Variants in MTA3 observed in about 807,000 individuals in gnomAD.
MTA3 encodes metastasis-associated protein MTA3.
In MTA3, 34 loss-of-function variants were observed where a neutral mutation model predicts 83.5. The observed-to-expected ratio is 0.41, with a 90% CI of 0.31 to 0.54. The LOEUF is 0.54. Among genes scored for constraint, MTA3 ranks in the 20% least tolerant of loss-of-function variants. MTA3 has a pLI of 0.33. For synonymous variants in MTA3, 303 were observed against 252.7 expected, an observed-to-expected ratio of 1.20 and a Z score of -1.89; for missense variants, 761 against 726.4, an observed-to-expected ratio of 1.05 and a Z score of -0.55.
intron 8 of MTA3, among the ~76,000 whole-genome samples, chr2:42,662,736 T>A (rs1689843058): frequency 6.7e-6 from 1 of 149,576 alleles, no homozygotes; most frequent in African/African-American, 2.4e-5. Context: ...TAAATACTTT[T>A]TTTTTTTTTT....
chr2:42,744,501 G>C (rs1023591526), intron 16 of MTA3, among the ~76,000 whole-genome samples: 1 of 152,146 alleles, frequency 6.6e-6, no homozygotes, highest in African/African-American at 2.4e-5. Context: ...TTACCTGCAG[G>C]TAAACGATCT....
In MTA3 at chr2:42,570,487, A is replaced by G; in HGVS notation, c.79A>G (p.Ile27Val). 8.5e-6 allele frequency: 13 copies of G among 1,538,052 alleles called. No homozygotes were observed. Among genetic ancestry groups the G allele is most frequent in the Non-Finnish European group, 1.1e-5 (13 of 1,132,030 alleles). ...SSSNPYLIRRIEELNKTASGN... is the reference protein window; with the variant it reads ...SSSNPYLIRRVEELNKTASGN... The stretch of plus-strand genomic sequence containing the variant: ...CAGCAACCCATACCTAATAAGAAGG[A>G]TAGAAGAACTCAACAAGGTATACAC... The change falls in exon 2 of 17, where the codon ATA (isoleucine) becomes GTA (valine). Residue 27 changes from isoleucine to valine, a missense_variant. Transcript: ENST00000405094.
At chr2:42,664,138 T>C (rs1363500260) in intron 8 of MTA3, among the ~76,000 whole-genome samples, 1 of 152,208 alleles carries the variant, frequency 6.6e-6, no homozygotes, top group African/African-American at 2.4e-5. Context: ...GTCATTATTG[T>C]CTTTCTTTGA....
intron 16 of MTA3, among the ~76,000 whole-genome samples, chr2:42,747,008 T>C (rs1427444109): frequency 9.5e-6 from 1 of 105,190 alleles, no homozygotes; most frequent in South Asian, 3.1e-4. Context: ...CTAATTTTGT[T>C]TTTTTTTTTT....
intron 2 of MTA3, among the ~76,000 whole-genome samples, chr2:42,560,679 C>T (rs1205978602): frequency 2.7e-5 from 4 of 150,382 alleles, no homozygotes; most frequent in Admixed American, 2.0e-4. Flanking sequence ...CTGAGGTGGG[C>T]GGATCACCTG....
In MTA3 at chr2:42,754,624, T is replaced by TAAAC; in HGVS notation, c.*1225_*1226insAAAC. 1 of 985,488 alleles carries TAAAC rather than the reference T, an allele frequency of 1.0e-6. No individual in the cohort carries two copies. Among genetic ancestry groups the TAAAC allele is most frequent in the South Asian group, 4.7e-5 (1 of 21,286 alleles). The allele number at this position is 985,488 out of a possible 1,614,324, so 61.0% of individuals were successfully genotyped here. A position where few individuals can be genotyped will look rare whatever the true frequency, so the allele number is the denominator to read the frequency against. The stretch of plus-strand genomic sequence containing the variant: ...TGAGGCTGGCAACTCCCCTGCCCTC[T>TAAAC]GTTTGCAGGCACAGGGTCACAGTCC... On this transcript the variant is annotated 3_prime_UTR_variant, in exon 17 of 17. Coordinates refer to ENST00000405094, the MANE Select transcript of MTA3 (RefSeq NM_001330442.2).
At chr2:42,741,587 CTG>C (rs1320960219) in intron 16 of MTA3, among the ~76,000 whole-genome samples, 1 of 138,138 alleles carries the variant, frequency 7.2e-6, no homozygotes, top group Non-Finnish European at 1.5e-5. Context: ...TGTTGTGTCT[CTG>C]AGAATAGAGA....
intron 2 of MTA3, among the ~76,000 whole-genome samples, chr2:42,517,736 GGT>G: frequency 6.6e-6 from 1 of 151,436 alleles, no homozygotes; most frequent in Non-Finnish European, 1.5e-5. Context: ...AAATTAGCCA[GGT>G]GTGGTGGCGG....
intron 2 of MTA3, among the ~76,000 whole-genome samples, chr2:42,554,933 T>C (rs1482773787): frequency 6.6e-6 from 1 of 152,064 alleles, no homozygotes; most frequent in East Asian, 1.9e-4. Context: ...TGAGGATCAC[T>C]TGATGTCAGG....
intron 2 of MTA3, among the ~76,000 whole-genome samples, chr2:42,558,532 G>A (rs1306349715): frequency 6.6e-6 from 1 of 151,268 alleles, no homozygotes; most frequent in Non-Finnish European, 1.5e-5. Context: ...TTACAGGCAT[G>A]AGGCACCACA....
chr2:42,538,804 G>A (rs1676386396), intron 2 of MTA3, among the ~76,000 whole-genome samples: 1 of 121,746 alleles, frequency 8.2e-6, no homozygotes, highest in Non-Finnish European at 1.6e-5. Flanking sequence ...GTCTCGCCTT[G>A]TCGCCCAGGT....
chr2:42,701,077 A>G (rs1463987282), intron 11 of MTA3, among the ~76,000 whole-genome samples: 1 of 152,122 alleles, frequency 6.6e-6, no homozygotes, highest in African/African-American at 2.4e-5. Context: ...TAGTCTGGGC[A>G]ACAGAGTGAG....
chr2:42,551,560 A>C (rs970570997), intron 2 of MTA3, among the ~76,000 whole-genome samples: 1 of 152,120 alleles, frequency 6.6e-6, no homozygotes, highest in Admixed American at 6.6e-5. Flanking sequence ...ACAGACAGAC[A>C]TGCCTCTTCT....
At chr2:42,682,663 C>G in intron 9 of MTA3, 74 bp downstream of exon 9, 1 of 1,339,528 alleles carries the variant, frequency 7.5e-7, no homozygotes. Flanking sequence ...GTAAACCTTA[C>G]AGTATTCATT....
chr2:42,496,940 T>C (rs1170771213), intron 2 of MTA3, among the ~76,000 whole-genome samples: 3 of 152,188 alleles, frequency 2.0e-5, no homozygotes, highest in Non-Finnish European at 4.4e-5. Flanking sequence ...GTGTGGTGGC[T>C]CACGCCTGTA....
upstream of MTA3, among the ~76,000 whole-genome samples, chr2:42,566,280 T>C (rs913716594): frequency 1.3e-5 from 2 of 152,140 alleles, no homozygotes; most frequent in East Asian, 1.9e-4. Context: ...TCTACAAACA[T>C]TTGCTGAACT....
chr2:42,727,919 C>T (rs889049614), intron 16 of MTA3, among the ~76,000 whole-genome samples: 4 of 151,968 alleles, frequency 2.6e-5, no homozygotes, highest in East Asian at 1.9e-4. Flanking sequence ...ATGGGTTATC[C>T]ATTACCTAAA....
At chr2:42,503,969 G>T (rs1674513866) in intron 2 of MTA3, among the ~76,000 whole-genome samples, 1 of 135,792 alleles carries the variant, frequency 7.4e-6, no homozygotes, top group African/African-American at 2.9e-5. Context: ...TGTCACCCAG[G>T]CTGGTGTGCA....
intron 16 of MTA3, among the ~76,000 whole-genome samples, chr2:42,734,421 G>A (rs1668464773): frequency 8.9e-6 from 1 of 112,536 alleles, no homozygotes; most frequent in African/African-American, 3.3e-5. Flanking sequence ...GTTTCTCTGT[G>A]TGTCTTTATA....
Sources: gnomAD v4.1 joint callset for allele counts (sites outside exome capture counted in the v4.1 genomes callset) on GRCh38, gnomAD v4.1.1 for gene constraint, MANE v1.5 for transcripts, NCBI Gene and HGNC (gene_info 2026-07-23, HGNC 2026-07-21) for gene names.